Variants in SGCZ observed in about 807,000 individuals in gnomAD.
SGCZ encodes the protein sarcoglycan zeta.
Under a neutral mutation model 41.3 loss-of-function variants are expected in SGCZ, and 40 were observed. That is an observed-to-expected ratio of 0.97 (90% CI 0.75 to 1.26). SGCZ has a LOEUF of 1.26. SGCZ is among the 50% of genes most tolerant of loss of function. The pLI is 0.00. For missense variants in SGCZ, 552 were observed against 369.8 expected (o/e 1.49, Z -4.04); for synonymous variants, 206 against 137.5 (o/e 1.50, Z -3.49).
chr8:14,500,906 A>G (rs946398259), intron 2 of SGCZ, among the ~76,000 whole-genome samples: 3 of 152,100 alleles, frequency 2.0e-5, no homozygotes, highest in Non-Finnish European at 4.4e-5. Context: ...ATTTAACCAA[A>G]GGGAAACCAT....
chr8:15,123,506 A>G (rs908388179), intron 1 of SGCZ, among the ~76,000 whole-genome samples: 1 of 152,196 alleles, frequency 6.6e-6, no homozygotes, highest in Admixed American at 6.5e-5. Flanking sequence ...CATAGTTCAG[A>G]CACATTCATT....
At chr8:14,156,212 G>A (rs564000290) in intron 5 of SGCZ, among the ~76,000 whole-genome samples, 20 of 152,272 alleles carry the variant, frequency 1.3e-4, no homozygotes, top group African/African-American at 4.6e-4. Context: ...TCTGATGCCT[G>A]TAATCCTGGC....
chr8:15,158,745 C>T (rs1799409901), intron 1 of SGCZ, among the ~76,000 whole-genome samples: 1 of 152,010 alleles, frequency 6.6e-6, no homozygotes, highest in Non-Finnish European at 1.5e-5. Context: ...TAGGATTTCC[C>T]CAAAGACAAT....
At chr8:14,274,864 CTCTAG>C (rs1266764540) in intron 3 of SGCZ, among the ~76,000 whole-genome samples, 1 of 151,874 alleles carries the variant, frequency 6.6e-6, no homozygotes, top group Non-Finnish European at 1.5e-5. Flanking sequence ...GATTATAATA[CTCTAG>C]TCTAGGCATT....
chr8:15,012,557 T>C (rs1224066216), intron 1 of SGCZ, among the ~76,000 whole-genome samples: 1 of 108,822 alleles, frequency 9.2e-6, no homozygotes, highest in Admixed American at 1.2e-4. Context: ...AATATTTATA[T>C]ATAACATATA....
At chr8:14,571,897 G>T (rs892199866) in intron 1 of SGCZ, among the ~76,000 whole-genome samples, 1 of 152,038 alleles carries the variant, frequency 6.6e-6, no homozygotes, top group East Asian at 1.9e-4. Context: ...ATACTTGCTT[G>T]TTTATTTATT....
chr8:14,846,154 G>A (rs962505794), intron 1 of SGCZ, among the ~76,000 whole-genome samples: 1 of 152,012 alleles, frequency 6.6e-6, no homozygotes, highest in African/African-American at 2.4e-5. Context: ...GTACATAACA[G>A]ACCAGAAAAA....
At chr8:14,420,652 G>T (rs1177871343) in intron 2 of SGCZ, among the ~76,000 whole-genome samples, 1 of 152,024 alleles carries the variant, frequency 6.6e-6, no homozygotes, top group Non-Finnish European at 1.5e-5. Context: ...ATTAGATCCT[G>T]TTCAGCAATA....
chr8:14,393,151 A>G (rs1287671452), intron 2 of SGCZ, among the ~76,000 whole-genome samples: 1 of 152,166 alleles, frequency 6.6e-6, no homozygotes, highest in Non-Finnish European at 1.5e-5. Context: ...TGATACGTAT[A>G]AAGGATAAAG....
At chr8:14,572,494 C>T (rs997868068) in intron 1 of SGCZ, among the ~76,000 whole-genome samples, 1 of 143,180 alleles carries the variant, frequency 7.0e-6, no homozygotes, top group Non-Finnish European at 1.6e-5. Context: ...CCTCACCGAA[C>T]CCAGAGAGGG....
chr8:14,994,443 G>C (rs1014009280), intron 1 of SGCZ, among the ~76,000 whole-genome samples: 1 of 152,136 alleles, frequency 6.6e-6, no homozygotes, highest in Admixed American at 6.5e-5. Context: ...AATTAGCTGG[G>C]CATGGCAGCA....
intron 1 of SGCZ, among the ~76,000 whole-genome samples, chr8:14,927,685 C>T (rs963039775): frequency 6.6e-6 from 1 of 151,948 alleles, no homozygotes; most frequent in Admixed American, 6.6e-5. Flanking sequence ...CTTTACTATG[C>T]AGTTATTTCA....
chr8:14,609,533 TA>T (rs1285103845), intron 1 of SGCZ, among the ~76,000 whole-genome samples: 1 of 152,176 alleles, frequency 6.6e-6, no homozygotes, highest in Non-Finnish European at 1.5e-5. Flanking sequence ...AAGATAGAGG[TA>T]AATTTTATCC....
intron 2 of SGCZ, among the ~76,000 whole-genome samples, chr8:14,382,739 G>A (rs998583243): frequency 6.6e-6 from 1 of 152,128 alleles, no homozygotes; most frequent in Non-Finnish European, 1.5e-5. Flanking sequence ...TGAATACTTG[G>A]GTGATTTTAA....
At chr8:14,822,617 G>T (rs1276431463) in intron 1 of SGCZ, among the ~76,000 whole-genome samples, 1 of 151,984 alleles carries the variant, frequency 6.6e-6, no homozygotes, top group East Asian at 1.9e-4. Flanking sequence ...CATGGTGGTG[G>T]TATAAAAACA....
chr8:14,750,889 G>A (rs1042792406), intron 1 of SGCZ, among the ~76,000 whole-genome samples: 22 of 152,100 alleles, frequency 1.4e-4, no homozygotes, highest in African/African-American at 5.1e-4. Context: ...AGTCTCTTTT[G>A]TATGAATAAA....
chr8:14,631,967 A>G (rs774108848), intron 1 of SGCZ, among the ~76,000 whole-genome samples: 8 of 152,146 alleles, frequency 5.3e-5, no homozygotes, highest in African/African-American at 1.4e-4. Context: ...TGTTTGTTAC[A>G]TTATTACAAT....
intron 1 of SGCZ, among the ~76,000 whole-genome samples, chr8:14,691,087 C>T (rs1274330057): frequency 2.0e-5 from 3 of 152,062 alleles, no homozygotes; most frequent in African/African-American, 7.2e-5. Context: ...ACTATAAATG[C>T]ACTTATTTAT....
intron 1 of SGCZ, among the ~76,000 whole-genome samples, chr8:14,769,937 A>G (rs554447818): frequency 2.6e-4 from 39 of 151,720 alleles, no homozygotes; most frequent in Non-Finnish European, 4.3e-4. Flanking sequence ...TAAAGATGCA[A>G]CTCAGTTGGC....
Sources: gnomAD v4.1 joint callset for allele counts (sites outside exome capture counted in the v4.1 genomes callset) on GRCh38, gnomAD v4.1.1 for gene constraint, MANE v1.5 for transcripts, NCBI Gene and HGNC (gene_info 2026-07-23, HGNC 2026-07-21) for gene names.